Variants in BEND4 observed in about 807,000 individuals in gnomAD.
BEND4 encodes the protein BEN domain-containing protein 4.
Under a neutral mutation model 54.7 loss-of-function variants are expected in BEND4, and 27 were observed. The ratio of observed to expected loss-of-function variants is 0.49; its 90% CI spans 0.36 to 0.68. The LOEUF is 0.68. Ranked by LOEUF, BEND4 falls within the 30% of genes least tolerant of loss-of-function variation. The pLI, the probability that BEND4 is intolerant of heterozygous loss-of-function variation, is 0.00. For missense variants in BEND4, 702 were observed against 697.2 expected, an observed-to-expected ratio of 1.01 and a Z score of -0.08; for synonymous variants, 327 against 299.5, an observed-to-expected ratio of 1.09 and a Z score of -0.95.
chr4:42,141,950 G>A (rs1720900338), intron 3 of BEND4, among the ~76,000 whole-genome samples: 1 of 151,840 alleles, frequency 6.6e-6, no homozygotes, highest in African/African-American at 2.4e-5. Context: ...TGTCACCCAG[G>A]CTGGAGTGCA....
In BEND4 at chr4:42,117,258, C is replaced by A; in HGVS notation, c.*260G>T. The A allele has an allele frequency of 3.1e-6, 1 of 317,504 alleles. No individual in the cohort carries two copies. Among genetic ancestry groups the A allele is most frequent in the East Asian group, 6.3e-5 (1 of 15,780 alleles). 19.7% of individuals were successfully genotyped at this position (317,504 alleles called of 1,614,324 possible). A position where few individuals can be genotyped will look rare whatever the true frequency, so the allele number is the denominator to read the frequency against. ...AACTAGGAGCTCACCTATTTTTTCA[C>A]CCTCATGATCTAGCTAGTAATCATT... On this transcript the variant is annotated 3_prime_UTR_variant, in exon 6 of 6. Coordinates refer to ENST00000502486, the MANE Select transcript of BEND4 (RefSeq NM_207406.4).
intron 3 of BEND4, 45 bp from the exon 4 acceptor site, chr4:42,125,719 A>G: frequency 1.6e-6 from 2 of 1,271,594 alleles, no homozygotes; most frequent in Non-Finnish European, 2.2e-6. Context: ...CTATCCCGTA[A>G]CATGAAAATA....
At chr4:42,122,757 A>C (rs1167950256) in intron 4 of BEND4, among the ~76,000 whole-genome samples, 2 of 152,226 alleles carry the variant, frequency 1.3e-5, no homozygotes, top group Admixed American at 1.3e-4. Context: ...ATAATTTTTA[A>C]AAGCTGTTTT....
chr4:42,124,086 GGC>G (rs1226685039), intron 4 of BEND4, among the ~76,000 whole-genome samples: 2 of 152,220 alleles, frequency 1.3e-5, no homozygotes, highest in Non-Finnish European at 2.9e-5. Flanking sequence ...ACTGGGCACA[GGC>G]TCATGCCTGT....
At position 42,112,255 on chromosome 4, in the gene BEND4, A is replaced by G. The variant is rs557445332; in HGVS notation, c.*5263T>C. The G allele has an allele frequency of 6.6e-6, 1 of 152,338 alleles. No individual in the cohort carries two copies. Among genetic ancestry groups the G allele is most frequent in the South Asian group, 2.1e-4 (1 of 4,824 alleles). 9.4% of individuals were successfully genotyped at this position (152,338 alleles called of 1,614,324 possible). On this transcript the variant is annotated 3_prime_UTR_variant, in exon 6 of 6. Transcript: ENST00000502486. ...TCAATACAATGGGGATAAGAACAGT[A>G]ACAGCCTCATAGGGTAGCTGTGAGG...
In BEND4 at chr4:42,120,583, C is replaced by T. The variant is rs73153384; in HGVS notation, c.1147-289G>A. On this transcript the variant is annotated intron_variant, in intron 4 of 5. Transcript: ENST00000502486. ...GTTAAAATGTGTCAAGATCCAATGA[C>T]AGGGAACACTATTTAAATCTAACCT... is the stretch of plus-strand genomic sequence containing the variant. Among the ~76,000 whole-genome samples, 364 of 152,302 alleles carry T rather than the reference C, an allele frequency of 2.4e-3. 3 individuals are homozygous for T. Among genetic ancestry groups the T allele is most frequent in the African/African-American group, 7.9e-3 (327 of 41,564 alleles).
chr4:42,130,214 T>C (rs565104777), intron 3 of BEND4, among the ~76,000 whole-genome samples: 3 of 152,060 alleles, frequency 2.0e-5, no homozygotes, highest in African/African-American at 4.8e-5. Context: ...GGCGCAGTGG[T>C]TCACGCCTGT....
At position 42,111,586 on chromosome 4, in the gene BEND4, T is replaced by A. The variant is rs1354840788; in HGVS notation, c.*5932A>T. The stretch of plus-strand genomic sequence containing the variant: ...TTGAACTTAAACACAGCCAAAGGGA[T>A]GTGAAAGCCAAAACTACAGGAAAAA... On this transcript the variant is annotated 3_prime_UTR_variant, in exon 6 of 6. Coordinates refer to ENST00000502486, the MANE Select transcript of BEND4 (RefSeq NM_207406.4). 6.6e-6 allele frequency: 1 copy of A among 152,188 alleles called. No individual in the cohort carries two copies. The highest frequency in any genetic ancestry group is 2.4e-5 in the African/African-American group (1 of 41,438). 9.4% of individuals were successfully genotyped at this position (152,188 alleles called of 1,614,324 possible).
Position 42,152,286 on chromosome 4 carries a change from G to A in BEND4, c.-143C>T. ...GTGTGTCTGTGCCGTGGCCGCCGCC[G>A]CCGCCGCCTGTCGCTGAGGCTGGCA... On this transcript the variant is annotated 5_prime_UTR_variant, in exon 2 of 6. Coordinates refer to ENST00000502486, the MANE Select transcript of BEND4 (RefSeq NM_207406.4). 2.5e-6 allele frequency: 2 copies of A among 807,290 alleles called. No homozygotes were observed. Among genetic ancestry groups the A allele is most frequent in the Non-Finnish European group, 3.3e-6 (2 of 608,466 alleles). The allele number at this position is 807,290 out of a possible 1,614,324, so 50.0% of individuals were successfully genotyped here.
intron 3 of BEND4, among the ~76,000 whole-genome samples, chr4:42,126,714 AG>A (rs1372323019): frequency 6.6e-6 from 1 of 152,184 alleles, no homozygotes; most frequent in African/African-American, 2.4e-5. Context: ...TTGCCTTTAA[AG>A]GTCTTGGTAG....
intron 2 of BEND4, 80 bp downstream of exon 2, chr4:42,151,577 G>GC: frequency 2.2e-6 from 3 of 1,352,954 alleles, no homozygotes; most frequent in Non-Finnish European, 2.9e-6. Flanking sequence ...AGTGTCGGCG[G>GC]CCCCCCGCTT....
At position 42,111,581 on chromosome 4, in the gene BEND4, A is replaced by G. The variant is rs1719572202; in HGVS notation, c.*5937T>C. On this transcript the variant is annotated 3_prime_UTR_variant, in exon 6 of 6. Transcript: ENST00000502486. ...TGCTCTTGAACTTAAACACAGCCAA[A>G]GGGATGTGAAAGCCAAAACTACAGG... 6.6e-6 allele frequency: 1 copy of G among 152,252 alleles called. No homozygotes were observed. The highest frequency in any genetic ancestry group is 2.4e-5 in the African/African-American group (1 of 41,460). The allele number at this position is 152,252 out of a possible 1,614,324, so 9.4% of individuals were successfully genotyped here. A position where few individuals can be genotyped will look rare whatever the true frequency, so the allele number is the denominator to read the frequency against.
At chr4:42,149,574 G>A (rs1721190231) in intron 2 of BEND4, among the ~76,000 whole-genome samples, 1 of 152,092 alleles carries the variant, frequency 6.6e-6, no homozygotes, top group Non-Finnish European at 1.5e-5. Context: ...AGGAAATATG[G>A]AGAAATTCGA....
intron 3 of BEND4, among the ~76,000 whole-genome samples, chr4:42,131,469 TTATAC>T (rs1198088351): frequency 2.6e-5 from 4 of 152,184 alleles, no homozygotes. Flanking sequence ...TATAATAGTT[TTATAC>T]TAATTTAAAA....
At chr4:42,118,410 A>T (rs1719928756) in intron 5 of BEND4, among the ~76,000 whole-genome samples, 1 of 152,204 alleles carries the variant, frequency 6.6e-6, no homozygotes, top group African/African-American at 2.4e-5. Context: ...AACACAGATA[A>T]TCACCATATC....
intron 3 of BEND4, among the ~76,000 whole-genome samples, chr4:42,127,404 G>A (rs1191863809): frequency 1.3e-5 from 2 of 152,224 alleles, no homozygotes; most frequent in Non-Finnish European, 2.9e-5. Flanking sequence ...AAGTAGGCCT[G>A]TTATTAAACC....
chr4:42,143,802 T>A lies in BEND4; in HGVS notation c.680A>T (p.Asp227Val). ...ATACTGCATCTCTATGTCTACATTGTCTGAGGTCTGACTGTGGACCCCTTT... is the reference window on the plus strand; with the variant it reads ...ATACTGCATCTCTATGTCTACATTGACTGAGGTCTGACTGTGGACCCCTTT... The part of the protein sequence containing the change: ...IGKGVHSQTS[D>V]NVDIEMQYMQ... Residue 227 changes from aspartate to valine, a missense_variant, in exon 3 of 6, where the codon GAC (aspartate) becomes GTC (valine). Physicochemically the swap from Asp to Val is radical, Grantham distance 152. Transcript: ENST00000502486. 1 of 1,604,860 alleles carries A rather than the reference T, an allele frequency of 6.2e-7. No individual in the cohort carries two copies. Among genetic ancestry groups the A allele is most frequent in the Non-Finnish European group, 8.5e-7 (1 of 1,175,376 alleles).
intron 4 of BEND4, among the ~76,000 whole-genome samples, chr4:42,124,517 G>A (rs1720198092): frequency 6.6e-6 from 1 of 151,962 alleles, no homozygotes; most frequent in African/African-American, 2.4e-5. Flanking sequence ...TGACACTAAG[G>A]CTAAGGACAA....
intron 2 of BEND4, chr4:42,144,210 T>C: frequency 1.0e-5 from 6 of 594,418 alleles, no homozygotes; most frequent in African/African-American, 1.9e-5. Context: ...ACGCAGTCTC[T>C]TGCTCTAGGA....
Sources: gnomAD v4.1 joint callset for allele counts (sites outside exome capture counted in the v4.1 genomes callset) on GRCh38, gnomAD v4.1.1 for gene constraint, MANE v1.5 for transcripts, NCBI Gene and HGNC (gene_info 2026-07-23, HGNC 2026-07-21) for gene names.